Variants in USH2A observed in about 807,000 individuals in gnomAD.
The protein encoded by USH2A is usherin.
Under a neutral mutation model 538.9 loss-of-function variants are expected in USH2A, and 443 were observed. The observed-to-expected ratio is 0.82, with a 90% CI of 0.76 to 0.89. USH2A has a LOEUF of 0.89. USH2A is among the 40% of genes least tolerant of loss of function. The probability of loss-of-function intolerance (pLI) is 0.00; values close to 1 mark genes in which losing one functional copy is unlikely to be tolerated. For synonymous variants in USH2A, 2,413 were observed against 2,273.5 expected (o/e 1.06, Z -1.75); for missense variants, 6,633 against 6,324.8 (o/e 1.05, Z -1.65).
Position 216,195,802 on chromosome 1 carries a change from G to A in USH2A, c.4251+751C>T, listed in dbSNP as rs75231343. 5.0e-3 allele frequency: 837 copies of A among 167,244 alleles called. 3 individuals carry two copies. The highest frequency in any genetic ancestry group is 5.9e-3 in the Non-Finnish European group (403 of 68,182). 10.4% of individuals were successfully genotyped at this position (167,244 alleles called of 1,614,324 possible). Reference sequence around the variant, plus strand: ...GCCAAATACACAGAAGAACTTGTTCGGTTGACATCCTTCCATCAGCTTCTG... The same window carrying A: ...GCCAAATACACAGAAGAACTTGTTCAGTTGACATCCTTCCATCAGCTTCTG... On this transcript the variant is annotated intron_variant, in intron 19 of 71. Coordinates refer to ENST00000307340, the MANE Select transcript of USH2A (RefSeq NM_206933.4).
At position 216,321,932 on chromosome 1, in the gene USH2A, T is replaced by C. The variant is rs1199057923; in HGVS notation, c.1595A>G (p.Gln532Arg). The change falls in exon 9 of 72, where the codon CAG (glutamine) becomes CGG (arginine). Residue 532 changes from glutamine to arginine, a missense_variant. Gln to Arg is a conservative substitution (Grantham distance 43). Transcript: ENST00000307340. ...CTGGGAGCAGAGGCATCTATATGGC[T>C]GGCTTGTTGTGTCGCAGTTATCGGC... ...GHADNCDTTSQPYRCLCSQES... is the reference protein window; with the variant it reads ...GHADNCDTTSRPYRCLCSQES... 1.2e-6 allele frequency: 2 copies of C among 1,613,954 alleles called. No homozygotes were observed. The highest frequency in any genetic ancestry group is 2.2e-5 in the South Asian group (2 of 91,088).
In USH2A at chr1:216,058,030, A is replaced by G. The variant is rs548923250; in HGVS notation, c.6050-9383T>C. 3.3e-5 allele frequency among the ~76,000 whole-genome samples: 5 copies of G among 152,360 alleles called. No homozygotes were observed. The South Asian group carries it at 8.3e-4, about 25-fold the overall frequency. ...AACAACTTCTAAAATATGTCTTTAA[A>G]GTGAATGTGAGTATTCTTTAACCAT... On this transcript the variant is annotated intron_variant, in intron 30 of 71. Coordinates refer to ENST00000307340, the MANE Select transcript of USH2A (RefSeq NM_206933.4).
intron 9 of USH2A, among the ~76,000 whole-genome samples, chr1:216,312,720 T>G (rs986043113): frequency 6.6e-6 from 1 of 152,232 alleles, no homozygotes; most frequent in African/African-American, 2.4e-5. Flanking sequence ...GAGCCTTTAG[T>G]GTATTCATCA....
At chr1:216,145,492 A>T (rs1204456378) in intron 21 of USH2A, among the ~76,000 whole-genome samples, 1 of 152,232 alleles carries the variant, frequency 6.6e-6, no homozygotes, top group Admixed American at 6.5e-5. Context: ...ATTAAAAAAA[A>T]TCTTGTTGAT....
chr1:216,297,982 A>C (rs992258361), intron 9 of USH2A, among the ~76,000 whole-genome samples: 1 of 152,180 alleles, frequency 6.6e-6, no homozygotes, highest in South Asian at 2.1e-4. Flanking sequence ...TCCCCAGTTC[A>C]ATTAGCCATG....
At chr1:215,971,616 C>A (rs573942819) in intron 35 of USH2A, among the ~76,000 whole-genome samples, 15 of 151,952 alleles carry the variant, frequency 9.9e-5, no homozygotes, top group Non-Finnish European at 1.6e-4. Context: ...AAAAGAACTA[C>A]AAACAAATGA....
rs182228236 is a variant in USH2A at position 215,686,325 on chromosome 1, G to A, written c.12067-5949C>T. On this transcript the variant is annotated intron_variant, in intron 61 of 71. Transcript: ENST00000307340. ...TGTTATTCAGAAGAAAGGGGGTGAG[G>A]ACTTGGGGAAGACTTAATTGAGACG... Among the ~76,000 whole-genome samples the A allele has an allele frequency of 9.6e-4, 146 of 152,162 alleles. 3 individuals are homozygous for A. The highest frequency in any genetic ancestry group is 7.4e-5 in the Non-Finnish European group (5 of 67,986).
At chr1:215,960,110 C>CTTTATCTTTTCATAGTTTTTA (rs1667163514) in intron 37 of USH2A, among the ~76,000 whole-genome samples, 2 of 152,022 alleles carry the variant, frequency 1.3e-5, no homozygotes, top group African/African-American at 4.8e-5. Context: ...AGAATATTTT[C>CTTTATCTTTTCATAGTTTTTA]TTTATCTTTT....
chr1:215,847,557 A>T (rs1280180693), intron 44 of USH2A, among the ~76,000 whole-genome samples: 2 of 151,878 alleles, frequency 1.3e-5, no homozygotes, highest in Admixed American at 1.3e-4. Context: ...AGGCAGTAGG[A>T]TGGCTTGAGC....
At chr1:216,113,151 AAAAAAC>A (rs1242849270) in intron 21 of USH2A, among the ~76,000 whole-genome samples, 1 of 151,224 alleles carries the variant, frequency 6.6e-6, no homozygotes, top group African/African-American at 2.4e-5. Context: ...AAAAAAAAAA[AAAAAAC>A]AAAACAAGAA....
intron 47 of USH2A, among the ~76,000 whole-genome samples, chr1:215,826,256 G>A (rs1467983370): frequency 1.3e-5 from 2 of 152,164 alleles, no homozygotes; most frequent in African/African-American, 4.8e-5. Flanking sequence ...AGAGTCTTTG[G>A]AATGTTCTGC....
At chr1:216,328,848 A>G (rs2037789621) in intron 4 of USH2A, among the ~76,000 whole-genome samples, 1 of 152,030 alleles carries the variant, frequency 6.6e-6, no homozygotes, top group African/African-American at 2.4e-5. Flanking sequence ...GTGTATATTC[A>G]TATATTTACA....
intron 14 of USH2A, among the ~76,000 whole-genome samples, chr1:216,230,091 T>C (rs1292788763): frequency 6.6e-6 from 1 of 152,126 alleles, no homozygotes; most frequent in African/African-American, 2.4e-5. Flanking sequence ...TGTCACAAAA[T>C]GGCACTGATG....
rs539605256 is a variant in USH2A, at chr1:216,070,766, T to C, written c.5858-474A>G. Among the ~76,000 whole-genome samples the C allele has an allele frequency of 2.0e-5, 3 of 149,850 alleles. No individual in the cohort carries two copies. The East Asian group carries it at 5.9e-4, about 30-fold the overall frequency. ...TGTACTTGAATGCCTAGACCCATTT[T>C]CCAAATGCAATTGTTTTTCTAATTA... On this transcript the variant is annotated intron_variant, in intron 29 of 71. Transcript: ENST00000307340.
At position 215,680,369 on chromosome 1, in the gene USH2A, C is replaced by A. The variant is rs1183608510; in HGVS notation, c.12074G>T (p.Ser4025Ile). Reference sequence around the variant, plus strand: ...TAACCCGTACAGGTGGGCTTGATGGCTTGTTCCCTGTAAGAAAATTAACAG... The same window carrying A: ...TAACCCGTACAGGTGGGCTTGATGGATTGTTCCCTGTAAGAAAATTAACAG... ...TVHAFTVKGT[S>I]HQAHLYGLEP... The change falls in exon 62 of 72, where the codon AGC becomes ATC. Residue 4025 changes from serine to isoleucine, a missense_variant. Transcript: ENST00000307340. The A allele has an allele frequency of 6.2e-7, 1 of 1,612,474 alleles. No individual in the cohort carries two copies. The highest frequency in any genetic ancestry group is 1.3e-5 in the African/African-American group (1 of 74,452).
At chr1:216,292,471 G>T in intron 9 of USH2A, 101 bp from the exon 10 acceptor site, 1 of 1,254,596 alleles carries the variant, frequency 8.0e-7, no homozygotes, top group Non-Finnish European at 1.1e-6. Flanking sequence ...GCACATATCA[G>T]TGAGTTAAAA....
At chr1:215,794,926 G>A (rs1394260616) in intron 50 of USH2A, among the ~76,000 whole-genome samples, 2 of 152,166 alleles carry the variant, frequency 1.3e-5, no homozygotes, top group African/African-American at 4.8e-5. Flanking sequence ...ACTTCCAAAA[G>A]ATTCAAAAGG....
chr1:215,627,405 C>T (rs1463564729), intron 71 of USH2A, among the ~76,000 whole-genome samples: 2 of 95,918 alleles, frequency 2.1e-5, no homozygotes, highest in South Asian at 5.0e-4. Flanking sequence ...TCCTTCCTTC[C>T]TTCCTTCCTT....
chr1:216,171,191 G>GT (rs555816107), intron 21 of USH2A, among the ~76,000 whole-genome samples: 2 of 151,838 alleles, frequency 1.3e-5, no homozygotes, highest in African/African-American at 2.4e-5. Flanking sequence ...AACTCTAGGT[G>GT]TTTTTTTAAC....
Sources: gnomAD v4.1 joint callset for allele counts (sites outside exome capture counted in the v4.1 genomes callset) on GRCh38, gnomAD v4.1.1 for gene constraint, MANE v1.5 for transcripts, NCBI Gene and HGNC (gene_info 2026-07-23, HGNC 2026-07-21) for gene names.